The following SLC8A1 variants were observed in gnomAD, a reference collection of about 807,000 sequenced individuals.
The protein encoded by SLC8A1 is solute carrier family 8 member A1, also known as sodium/calcium exchanger 1.
Under a neutral mutation model 68.3 loss-of-function variants are expected in SLC8A1, and 18 were observed. The observed-to-expected ratio is 0.26, with a 90% CI of 0.18 to 0.39. The LOEUF (loss-of-function observed/expected upper bound fraction) is 0.39, where lower values mean the gene tolerates loss of function less well. SLC8A1 is among the 10% of genes least tolerant of loss of function. The pLI is 1.00. For missense variants in SLC8A1, 985 were observed against 1,156.7 expected, an observed-to-expected ratio of 0.85 and a Z score of 2.15; for synonymous variants, 475 against 415.5, an observed-to-expected ratio of 1.14 and a Z score of -1.74.
chr2:40,409,424 T>G (rs1691424414), intron 2 of SLC8A1, among the ~76,000 whole-genome samples: 1 of 152,162 alleles, frequency 6.6e-6, no homozygotes, highest in African/African-American at 2.4e-5. Flanking sequence ...ACTTTACAAT[T>G]GTCCAGAGCA....
intron 1 of SLC8A1, among the ~76,000 whole-genome samples, chr2:40,447,264 T>C (rs536482821): frequency 1.3e-5 from 2 of 152,330 alleles, no homozygotes; most frequent in South Asian, 2.1e-4. Context: ...AATTTCACTC[T>C]AGGGAAAATA....
intron 2 of SLC8A1, among the ~76,000 whole-genome samples, chr2:40,358,048 GAAAAAAAAAAAA>G (rs776231355): frequency 1.8e-4 from 14 of 77,706 alleles, no homozygotes; most frequent in Admixed American, 4.3e-4. Context: ...GCAACTGAAG[GAAAAAAAAAAAA>G]AAAAAAAAAA....
At chr2:40,140,375 T>C (rs1243001086) in intron 6 of SLC8A1, among the ~76,000 whole-genome samples, 1 of 152,210 alleles carries the variant, frequency 6.6e-6, no homozygotes, top group Non-Finnish European at 1.5e-5. Flanking sequence ...CACCCATCCT[T>C]TAAGACTCGC....
chr2:40,335,731 A>G (rs1416207851), intron 2 of SLC8A1, among the ~76,000 whole-genome samples: 1 of 152,268 alleles, frequency 6.6e-6, no homozygotes, highest in African/African-American at 2.4e-5. Flanking sequence ...CTGACAAGTG[A>G]TTGAAATAAG....
chr2:40,391,292 G>C (rs1576012194), intron 2 of SLC8A1, among the ~76,000 whole-genome samples: 1 of 151,910 alleles, frequency 6.6e-6, no homozygotes, highest in East Asian at 1.9e-4. Flanking sequence ...AAGAAAAGCA[G>C]TTTATTTGCT....
chr2:40,454,695 A>C (rs1239059720), upstream of SLC8A1, among the ~76,000 whole-genome samples: 1 of 152,130 alleles, frequency 6.6e-6, no homozygotes, highest in Non-Finnish European at 1.5e-5. Flanking sequence ...TCAGTTTCTG[A>C]GCCCCTAATT....
In SLC8A1 at chr2:40,336,543, A is replaced by C. The variant is rs543199514; in HGVS notation, c.1808+91930T>G. Among the ~76,000 whole-genome samples, 3 of 152,232 alleles carry C rather than the reference A, an allele frequency of 2.0e-5. No homozygotes were observed. In the South Asian group the frequency reaches 6.2e-4, roughly 32 times the overall value. The stretch of plus-strand genomic sequence containing the variant: ...TAACCATAAGGCTCTTTTCTGAAAA[A>C]ATAGTGTCACATCCCTTAGGGAAGT... On this transcript the variant is annotated intron_variant, in intron 2 of 7. Coordinates refer to ENST00000406785, the Ensembl canonical transcript of SLC8A1.
At chr2:40,338,877 T>C (rs1465320946) in intron 2 of SLC8A1, among the ~76,000 whole-genome samples, 1 of 150,534 alleles carries the variant, frequency 6.6e-6, no homozygotes, top group Non-Finnish European at 1.5e-5. Context: ...TGCTGTATCT[T>C]ATATGAGAAC....
At chr2:40,395,156 A>G (rs988277077) in intron 2 of SLC8A1, among the ~76,000 whole-genome samples, 2 of 152,196 alleles carry the variant, frequency 1.3e-5, no homozygotes, top group Non-Finnish European at 2.9e-5. Context: ...CAACAACAAA[A>G]GCAACAACTA....
intron 2 of SLC8A1, among the ~76,000 whole-genome samples, chr2:40,366,029 A>G (rs1480673871): frequency 1.3e-5 from 2 of 151,956 alleles, no homozygotes; most frequent in Non-Finnish European, 2.9e-5. Context: ...TTAAGAATAA[A>G]AAAATTTGGA....
chr2:40,433,477 A>G (rs985099897), intron 1 of SLC8A1, among the ~76,000 whole-genome samples: 1 of 152,198 alleles, frequency 6.6e-6, no homozygotes, highest in Non-Finnish European at 1.5e-5. Context: ...AATTGTCTCT[A>G]TACATATCAA....
At chr2:40,397,354 G>A (rs1033000684) in intron 2 of SLC8A1, among the ~76,000 whole-genome samples, 19 of 152,148 alleles carry the variant, frequency 1.2e-4, no homozygotes, top group African/African-American at 4.3e-4. Flanking sequence ...AAAATTCAGA[G>A]GCAGTTCCAA....
At chr2:40,452,831 G>A (rs896760312), upstream of SLC8A1, among the ~76,000 whole-genome samples, 1 of 151,520 alleles carries the variant, frequency 6.6e-6, no homozygotes, top group African/African-American at 2.4e-5. Flanking sequence ...TCAAAGATGC[G>A]TTTCACCTGG....
At chr2:40,332,191 C>T (rs1319891940) in intron 2 of SLC8A1, among the ~76,000 whole-genome samples, 2 of 152,100 alleles carry the variant, frequency 1.3e-5, no homozygotes, top group African/African-American at 2.4e-5. Flanking sequence ...TATTTCTAAA[C>T]TTTGAATGCC....
chr2:40,489,766 G>C (rs1304359901), intron 1 of SLC8A1, among the ~76,000 whole-genome samples: 1 of 151,868 alleles, frequency 6.6e-6, no homozygotes, highest in African/African-American at 2.4e-5. Flanking sequence ...GTGGCTTCTT[G>C]ACCACATTCC....
At chr2:40,468,565 G>C (rs1703825608) in intron 1 of SLC8A1, among the ~76,000 whole-genome samples, 1 of 151,918 alleles carries the variant, frequency 6.6e-6, no homozygotes, top group South Asian at 2.1e-4. Flanking sequence ...TCTGTATTTT[G>C]TGTATTCCCA....
chr2:40,304,529 A>AC (rs1275204024), intron 2 of SLC8A1, among the ~76,000 whole-genome samples: 3 of 151,548 alleles, frequency 2.0e-5, no homozygotes, highest in Non-Finnish European at 4.4e-5. Context: ...GCTGCCTCTC[A>AC]CCCCCGCAGT....
At chr2:40,252,992 T>TGTATATAC (rs1326283518) in intron 2 of SLC8A1, among the ~76,000 whole-genome samples, 12 of 142,158 alleles carry the variant, frequency 8.4e-5, no homozygotes, top group African/African-American at 3.1e-4. Context: ...TCTGTATATA[T>TGTATATAC]GTATATACAT....
At chr2:40,176,638 G>A (rs978752305) in intron 3 of SLC8A1, among the ~76,000 whole-genome samples, 5 of 152,144 alleles carry the variant, frequency 3.3e-5, no homozygotes, top group East Asian at 1.9e-4. Context: ...CCCCACCAGC[G>A]GACTGTGAGG....
Sources: allele counts gnomAD v4.1 joint callset (sites outside exome capture counted in the v4.1 genomes callset), GRCh38; gene constraint gnomAD v4.1.1; transcripts MANE v1.5; gene names NCBI Gene and HGNC (gene_info 2026-07-23, HGNC 2026-07-21).